Variants in GMDS observed in about 807,000 individuals in gnomAD.
GMDS encodes GDP-mannose 4,6-dehydratase, also known as GDP-mannose 4,6 dehydratase.
In GMDS, 20 loss-of-function variants were observed where a neutral mutation model predicts 49.9. That is an observed-to-expected ratio of 0.40 (90% CI 0.28 to 0.58). The LOEUF (loss-of-function observed/expected upper bound fraction) is 0.58, where lower values mean the gene tolerates loss of function less well. Among genes scored for constraint, GMDS ranks in the 20% least tolerant of loss-of-function variants. The pLI is 0.42. For synonymous variants in GMDS, 177 were observed against 178.6 expected (o/e 0.99, Z 0.07); for missense variants, 362 against 481.4 (o/e 0.75, Z 2.32).
At chr6:1,644,456 C>A (rs1450694465) in intron 9 of GMDS, among the ~76,000 whole-genome samples, 2 of 152,260 alleles carry the variant, frequency 1.3e-5, no homozygotes, top group Non-Finnish European at 2.9e-5. Flanking sequence ...CAAAACTTTG[C>A]TGCTGCCTGC....
chr6:2,070,114 T>C (rs1562026012), intron 4 of GMDS, among the ~76,000 whole-genome samples: 1 of 151,550 alleles, frequency 6.6e-6, no homozygotes, highest in East Asian at 1.9e-4. Flanking sequence ...TCATGTCCTT[T>C]GTAGGGACAT....
chr6:2,027,761 A>G (rs1040395837), intron 4 of GMDS, among the ~76,000 whole-genome samples: 5 of 152,234 alleles, frequency 3.3e-5, no homozygotes, highest in African/African-American at 1.2e-4. Flanking sequence ...AAGTTTATGA[A>G]AAGTTTTTAT....
chr6:1,800,036 G>A (rs748537906), intron 7 of GMDS, among the ~76,000 whole-genome samples: 7 of 152,112 alleles, frequency 4.6e-5, no homozygotes, highest in Non-Finnish European at 1.0e-4. Flanking sequence ...TGCAGTAAGG[G>A]AAGAGAGCAG....
intron 2 of GMDS, among the ~76,000 whole-genome samples, chr6:2,121,501 A>T (rs2127505645): frequency 6.6e-6 from 1 of 152,252 alleles, no homozygotes; most frequent in Admixed American, 6.5e-5. Flanking sequence ...GTAACCCTTC[A>T]CTTTTTCATT....
chr6:1,801,980 C>T (rs1040553211), intron 7 of GMDS, among the ~76,000 whole-genome samples: 2 of 152,182 alleles, frequency 1.3e-5, no homozygotes, highest in African/African-American at 4.8e-5. Flanking sequence ...GTTGAAATAG[C>T]CACTGACCTT....
Position 2,243,843 on chromosome 6 carries a change from C to CTTTTTTTTTTTT in GMDS, c.102+1466_102+1477dup, listed in dbSNP as rs68171156. On this transcript the variant is annotated intron_variant, in intron 1 of 10. Transcript: ENST00000380815. Reference sequence around the variant, plus strand: ...ATCTGGCCAATTTCAACTTCTCCTTCTTTTTTTTTTTTTTTTTTTTTTTTT... The same window carrying CTTTTTTTTTTTT: ...ATCTGGCCAATTTCAACTTCTCCTTCTTTTTTTTTTTTTTTTTTTTTTTTTTTTTTTTTTTTT... 4.0e-4 allele frequency among the ~76,000 whole-genome samples: 23 copies of CTTTTTTTTTTTT among 58,154 alleles called. 5 individuals carry two copies. The highest frequency in any genetic ancestry group is 1.1e-3 in the African/African-American group (18 of 16,664). The allele number at this position is 58,154 out of a possible 152,430, so 38.2% of individuals were successfully genotyped here. A position where few individuals can be genotyped will look rare whatever the true frequency, so the allele number is the denominator to read the frequency against.
chr6:2,067,998 T>G (rs1323069710), intron 4 of GMDS, among the ~76,000 whole-genome samples: 1 of 150,752 alleles, frequency 6.6e-6, no homozygotes, highest in Non-Finnish European at 1.5e-5. Flanking sequence ...TTGATGAACA[T>G]TGATGCAAAA....
intron 9 of GMDS, among the ~76,000 whole-genome samples, chr6:1,689,576 G>A (rs180793931): frequency 6.6e-6 from 1 of 152,246 alleles, no homozygotes; most frequent in East Asian, 1.9e-4. Context: ...ATATGTTCCT[G>A]GCAACCCTAA....
intron 6 of GMDS, among the ~76,000 whole-genome samples, chr6:1,958,124 T>G (rs1348239327): frequency 3.3e-5 from 5 of 151,810 alleles, no homozygotes; most frequent in Non-Finnish European, 7.4e-5. Flanking sequence ...TGTTTTTTTT[T>G]TTTTTTTTTT....
chr6:1,706,887 G>T (rs940819542), intron 9 of GMDS, among the ~76,000 whole-genome samples: 1 of 152,188 alleles, frequency 6.6e-6, no homozygotes, highest in Non-Finnish European at 1.5e-5. Flanking sequence ...ATCCCCTATG[G>T]TTGGACACTA....
At chr6:2,056,912 TA>T (rs1298449316) in intron 4 of GMDS, among the ~76,000 whole-genome samples, 11 of 152,088 alleles carry the variant, frequency 7.2e-5, no homozygotes, top group Admixed American at 3.9e-4. Flanking sequence ...TTTTTTAAAA[TA>T]AAAAAATGTA....
chr6:2,230,930 T>C (rs1210173379), intron 1 of GMDS, among the ~76,000 whole-genome samples: 124 of 14,444 alleles, frequency 8.6e-3, no homozygotes, highest in South Asian at 0.031. Flanking sequence ...AGTATTCTCT[T>C]CCCCCCTCCC....
At chr6:1,677,949 A>T (rs1304873679) in intron 9 of GMDS, among the ~76,000 whole-genome samples, 2 of 152,184 alleles carry the variant, frequency 1.3e-5, no homozygotes, top group Non-Finnish European at 2.9e-5. Context: ...GTATAATAAA[A>T]AAATAAATAA....
At chr6:1,944,942 A>G (rs1225488318) in intron 6 of GMDS, among the ~76,000 whole-genome samples, 1 of 152,202 alleles carries the variant, frequency 6.6e-6, no homozygotes. Flanking sequence ...AATACCCTGA[A>G]AACAAATACA....
chr6:1,695,681 T>A (rs774502864), intron 9 of GMDS, among the ~76,000 whole-genome samples: 1 of 152,160 alleles, frequency 6.6e-6, no homozygotes, highest in Non-Finnish European at 1.5e-5. Context: ...ACAGAAGATG[T>A]GTGCTTTTCC....
At chr6:1,990,330 C>T (rs768239033) in intron 4 of GMDS, among the ~76,000 whole-genome samples, 10 of 151,954 alleles carry the variant, frequency 6.6e-5, no homozygotes, top group Non-Finnish European at 1.5e-4. Context: ...TGTTAGCCAG[C>T]GCCACCACCA....
chr6:1,721,666 T>A (rs1427757219), intron 9 of GMDS, among the ~76,000 whole-genome samples: 1 of 152,194 alleles, frequency 6.6e-6, no homozygotes, highest in South Asian at 2.1e-4. Context: ...TTTTGCTTTT[T>A]TAGTGGATTG....
intron 4 of GMDS, among the ~76,000 whole-genome samples, chr6:1,979,883 G>C (rs928637041): frequency 6.6e-6 from 1 of 152,156 alleles, no homozygotes; most frequent in Non-Finnish European, 1.5e-5. Flanking sequence ...GAGATTGGTG[G>C]CCAATATTCA....
At chr6:2,082,667 C>A (rs771206926) in intron 4 of GMDS, among the ~76,000 whole-genome samples, 1 of 152,150 alleles carries the variant, frequency 6.6e-6, no homozygotes, top group Non-Finnish European at 1.5e-5. Flanking sequence ...TTATGGGTCA[C>A]AAAATCAATT....
Sources: allele counts gnomAD v4.1 joint callset (sites outside exome capture counted in the v4.1 genomes callset), GRCh38; gene constraint gnomAD v4.1.1; transcripts MANE v1.5; gene names NCBI Gene and HGNC (gene_info 2026-07-23, HGNC 2026-07-21).